The following BCKDHB variants were observed in gnomAD, a reference collection of about 807,000 sequenced individuals.
BCKDHB encodes the protein 2-oxoisovalerate dehydrogenase subunit beta, mitochondrial.
In BCKDHB, 41 loss-of-function variants were observed where a neutral mutation model predicts 48.5. The ratio of observed to expected loss-of-function variants is 0.85; its 90% CI spans 0.66 to 1.10. The LOEUF is 1.10. Among genes scored for constraint, BCKDHB ranks in the 50% least tolerant of loss-of-function variants. The pLI, the probability that BCKDHB is intolerant of heterozygous loss-of-function variation, is 0.00. For synonymous variants in BCKDHB, 201 were observed against 174.8 expected (o/e 1.15, Z -1.18); for missense variants, 496 against 494.2 (o/e 1.00, Z -0.03).
chr6:80,351,812 TTTTC>T, the BCKDHB span, among the ~76,000 whole-genome samples: 4 of 139,500 alleles, frequency 2.9e-5, no homozygotes, highest in East Asian at 2.2e-4. Flanking sequence ...CCAGCTAATT[TTTTC>T]TTTCTTTCTT....
chr6:80,415,325 C>T, the BCKDHB span, among the ~76,000 whole-genome samples: 1 of 151,586 alleles, frequency 6.6e-6, no homozygotes, highest in Admixed American at 6.6e-5. Flanking sequence ...GAGAGGGCGT[C>T]CTCATCTTAC....
At chr6:80,277,983 T>G (rs758855907) in intron 9 of BCKDHB, among the ~76,000 whole-genome samples, 40 of 152,248 alleles carry the variant, frequency 2.6e-4, no homozygotes, top group Non-Finnish European at 5.3e-4. Context: ...TATAAACTTA[T>G]TACTACTAAA....
At chr6:80,269,304 C>T (rs918315596) in intron 8 of BCKDHB, among the ~76,000 whole-genome samples, 1 of 152,088 alleles carries the variant, frequency 6.6e-6, no homozygotes, top group Non-Finnish European at 1.5e-5. Context: ...TCTGATTGCT[C>T]CTATTGTGAT....
the BCKDHB span, chr6:80,374,484 G>C: frequency 8.0e-6 from 6 of 750,172 alleles, no homozygotes; most frequent in South Asian, 8.1e-5. Context: ...AGTTTCACGA[G>C]TGTTCTTAAG....
At position 80,172,038 on chromosome 6, in the gene BCKDHB, C is replaced by T. The variant is rs148147039; in HGVS notation, c.742+648C>T. 1.7e-3 allele frequency among the ~76,000 whole-genome samples: 265 copies of T among 152,208 alleles called. 1 individual carries two copies. The highest frequency in any genetic ancestry group is 6.0e-3 in the African/African-American group (251 of 41,562). ...TCACAATGGATCCATTCTCCCTATG[C>T]CAAAAACAGCCACTTTCTGATTGCC... On this transcript the variant is annotated intron_variant, in intron 6 of 9. Coordinates refer to ENST00000320393, the MANE Select transcript of BCKDHB (RefSeq NM_183050.4).
chr6:80,404,843 GA>G, the BCKDHB span, among the ~76,000 whole-genome samples: 1 of 151,872 alleles, frequency 6.6e-6, no homozygotes, highest in African/African-American at 2.4e-5. Context: ...ACATATTTGT[GA>G]AATTTTCCAG....
At chr6:80,459,931 T>TA in the BCKDHB span, among the ~76,000 whole-genome samples, 1 of 152,118 alleles carries the variant, frequency 6.6e-6, no homozygotes, top group Non-Finnish European at 1.5e-5. Flanking sequence ...CCCAAATAGA[T>TA]AAAGATCATC....
At chr6:80,351,633 A>AT in the BCKDHB span, among the ~76,000 whole-genome samples, 42 of 127,926 alleles carry the variant, frequency 3.3e-4, no homozygotes, top group Admixed American at 1.2e-3. Flanking sequence ...TAGATCTGGA[A>AT]TTTTTTTTTT....
intron 9 of BCKDHB, among the ~76,000 whole-genome samples, chr6:80,282,958 A>T (rs1455437503): frequency 1.3e-5 from 2 of 152,128 alleles, no homozygotes; most frequent in East Asian, 3.8e-4. Context: ...ATTTTGACAT[A>T]ATTCCTTTAT....
chr6:80,403,430 T>G, the BCKDHB span, among the ~76,000 whole-genome samples: 6 of 152,096 alleles, frequency 3.9e-5, no homozygotes, highest in African/African-American at 1.4e-4. Context: ...TATGTTGATT[T>G]TGTATTCTGC....
the BCKDHB span, among the ~76,000 whole-genome samples, chr6:80,459,585 G>C: frequency 6.6e-6 from 1 of 151,936 alleles, no homozygotes; most frequent in Non-Finnish European, 1.5e-5. Context: ...ACAATGTACT[G>C]TATGCTTAAA....
At chr6:80,182,420 C>T (rs1773454894) in intron 6 of BCKDHB, among the ~76,000 whole-genome samples, 2 of 152,160 alleles carry the variant, frequency 1.3e-5, no homozygotes, top group Admixed American at 6.6e-5. Flanking sequence ...AAGCAGATAT[C>T]TATTTTTGAT....
chr6:80,434,861 T>A, the BCKDHB span, among the ~76,000 whole-genome samples: 1 of 152,226 alleles, frequency 6.6e-6, no homozygotes, highest in Non-Finnish European at 1.5e-5. Flanking sequence ...ATTATTTCCC[T>A]GGCTTTGGGC....
chr6:80,321,925 T>TA (rs1233036328), intron 9 of BCKDHB, among the ~76,000 whole-genome samples: 1 of 152,174 alleles, frequency 6.6e-6, no homozygotes, highest in Non-Finnish European at 1.5e-5. Context: ...ATTGTAGTAT[T>TA]TAATATTAAG....
intron 8 of BCKDHB, among the ~76,000 whole-genome samples, chr6:80,258,849 A>T (rs140871410): frequency 3.9e-5 from 6 of 152,022 alleles, no homozygotes; most frequent in Admixed American, 1.3e-4. Flanking sequence ...TCACCTTTAC[A>T]CTATAACTCT....
At chr6:80,107,518 T>TATATGTGCAC (rs1554181351) in intron 1 of BCKDHB, among the ~76,000 whole-genome samples, 3 of 121,686 alleles carry the variant, frequency 2.5e-5, no homozygotes, top group Admixed American at 1.5e-4. Context: ...TGTGCGCATA[T>TATATGTGCAC]ATATATATAT....
chr6:80,279,176 C>A (rs190318537), intron 9 of BCKDHB, among the ~76,000 whole-genome samples: 1 of 152,016 alleles, frequency 6.6e-6, no homozygotes, highest in East Asian at 1.9e-4. Context: ...GAGACAGAGT[C>A]TTGCTCTGGC....
chr6:80,106,861 C>G lies in BCKDHB; in HGVS notation c.168C>G (p.Phe56Leu), dbSNP rs747705382. ...AQRRQVAHFT[F>L]QPDPEPREYG... is the part of the protein sequence containing the mutation. ...GGCGGCAGGTGGCTCATTTTACTTT[C>G]CAGCCAGATCCGGAGCCCCGGGAGT... The change falls in exon 1 of 10, where the codon TTC becomes TTG. Residue 56 changes from phenylalanine to leucine, a missense_variant. Phe to Leu is a conservative substitution (Grantham distance 22). Coordinates refer to ENST00000320393, the MANE Select transcript of BCKDHB (RefSeq NM_183050.4). 1 of 1,609,432 alleles carries G rather than the reference C, an allele frequency of 6.2e-7. No homozygotes were observed. Among genetic ancestry groups the G allele is most frequent in the Non-Finnish European group, 8.5e-7 (1 of 1,178,646 alleles).
chr6:80,257,259 T>A (rs918371329), intron 8 of BCKDHB, among the ~76,000 whole-genome samples: 86 of 152,026 alleles, frequency 5.7e-4, no homozygotes, highest in Admixed American at 9.8e-4. Flanking sequence ...TCCTAGTTTC[T>A]CTTGTCTTTA....
Sources: allele counts gnomAD v4.1 joint callset (sites outside exome capture counted in the v4.1 genomes callset), GRCh38; gene constraint gnomAD v4.1.1; transcripts MANE v1.5; gene names NCBI Gene and HGNC (gene_info 2026-07-23, HGNC 2026-07-21).